Variants in CENPP observed in about 807,000 individuals in gnomAD.
The protein encoded by CENPP is centromere protein P.
CENPP carries 24 observed loss-of-function variants against 35.6 expected under a neutral mutation model. That is an observed-to-expected ratio of 0.67 (90% confidence interval 0.49 to 0.95). The LOEUF is 0.95. CENPP is among the 40% of genes least tolerant of loss of function. The pLI is 0.00. For synonymous variants in CENPP, 120 were observed against 125.5 expected, an observed-to-expected ratio of 0.96 and a Z score of 0.29; for missense variants, 332 against 345.3, an observed-to-expected ratio of 0.96 and a Z score of 0.31.
chr9:92,359,879 G>A (rs1268965740), intron 4 of CENPP, among the ~76,000 whole-genome samples: 1 of 151,770 alleles, frequency 6.6e-6, no homozygotes, highest in Non-Finnish European at 1.5e-5. Flanking sequence ...GGGGGGTGGG[G>A]GTGAAGAAAT....
intron 5 of CENPP, among the ~76,000 whole-genome samples, chr9:92,538,038 G>T (rs922943568): frequency 6.6e-6 from 1 of 151,992 alleles, no homozygotes; most frequent in Non-Finnish European, 1.5e-5. Flanking sequence ...TCTTCCTTGA[G>T]GACAGCTGAA....
intron 5 of CENPP, among the ~76,000 whole-genome samples, chr9:92,513,686 G>A (rs1847503568): frequency 6.6e-6 from 1 of 152,172 alleles, no homozygotes; most frequent in African/African-American, 2.4e-5. Context: ...AAAGGGCTAT[G>A]TATTGTATGA....
chr9:92,420,702 T>C (rs1843764796), intron 5 of CENPP, among the ~76,000 whole-genome samples: 1 of 152,222 alleles, frequency 6.6e-6, no homozygotes, highest in Non-Finnish European at 1.5e-5. Context: ...TTTTCTTATA[T>C]GTATCCCTAC....
chr9:92,555,216 T>A, intron 5 of CENPP, among the ~76,000 whole-genome samples: 1 of 47,490 alleles, frequency 2.1e-5, no homozygotes, highest in Non-Finnish European at 3.8e-5. Flanking sequence ...TTTTGGAAAT[T>A]TTTTTTTTTT....
intron 5 of CENPP, among the ~76,000 whole-genome samples, chr9:92,596,323 G>T (rs974264036): frequency 2.6e-5 from 4 of 151,282 alleles, no homozygotes; most frequent in Admixed American, 6.6e-5. Flanking sequence ...TAGAAATGGG[G>T]TCTCACTATG....
At chr9:92,335,377 A>G (rs1387316873) in intron 2 of CENPP, among the ~76,000 whole-genome samples, 2 of 152,118 alleles carry the variant, frequency 1.3e-5, no homozygotes, top group African/African-American at 4.8e-5. Context: ...TGCAAAATAA[A>G]GTGGTTGCTG....
chr9:92,448,490 CGAACTCCTGAG>C (rs909992027), intron 5 of CENPP, among the ~76,000 whole-genome samples: 1 of 151,744 alleles, frequency 6.6e-6, no homozygotes, highest in African/African-American at 2.4e-5. Flanking sequence ...AGGCTGGTCT[CGAACTCCTGAG>C]GGTTAGGGGT....
chr9:92,592,741 G>T (rs1385769770), intron 5 of CENPP, among the ~76,000 whole-genome samples: 2 of 152,162 alleles, frequency 1.3e-5, no homozygotes, highest in Non-Finnish European at 1.5e-5. Context: ...GTGTATGAGG[G>T]TTCCATTTGC....
At chr9:92,434,843 G>A (rs1378215810) in intron 5 of CENPP, among the ~76,000 whole-genome samples, 1 of 152,118 alleles carries the variant, frequency 6.6e-6, no homozygotes, top group African/African-American at 2.4e-5. Flanking sequence ...AGGAGTTCAA[G>A]AAGTTCAAGA....
chr9:92,404,844 G>T, intron 5 of CENPP: 2 of 257,222 alleles, frequency 7.8e-6, no homozygotes, highest in Non-Finnish European at 1.4e-5. Flanking sequence ...TATGAAAAAT[G>T]ATATAGTTTT....
At chr9:92,540,416 C>T (rs1849289916) in intron 5 of CENPP, among the ~76,000 whole-genome samples, 1 of 143,086 alleles carries the variant, frequency 7.0e-6, no homozygotes, top group Non-Finnish European at 1.5e-5. Flanking sequence ...CCAGCCTGGA[C>T]GACAGAGCGA....
At chr9:92,510,034 G>A (rs1271111096) in intron 5 of CENPP, 1 of 1,587,044 alleles carries the variant, frequency 6.3e-7, no homozygotes, top group Middle Eastern at 1.7e-4. Context: ...TTCTTCAGAA[G>A]CTTAAAAAGC....
At chr9:92,496,123 T>G in intron 5 of CENPP, 1 of 1,224,794 alleles carries the variant, frequency 8.2e-7, no homozygotes, top group East Asian at 4.1e-5. Flanking sequence ...TTACCTTTAC[T>G]ATTAATAAAA....
chr9:92,478,596 G>A (rs1845796714), intron 5 of CENPP, among the ~76,000 whole-genome samples: 1 of 152,104 alleles, frequency 6.6e-6, no homozygotes, highest in Admixed American at 6.6e-5. Context: ...GGGATTACAG[G>A]CATGTGCCAT....
intron 5 of CENPP, among the ~76,000 whole-genome samples, chr9:92,601,045 G>C (rs942316020): frequency 1.3e-5 from 2 of 152,178 alleles, no homozygotes; most frequent in Non-Finnish European, 2.9e-5. Context: ...GGGCAGACGT[G>C]TGTGTCGCTA....
intron 5 of CENPP, among the ~76,000 whole-genome samples, chr9:92,497,575 G>A (rs1052085018): frequency 4.0e-5 from 6 of 149,746 alleles, no homozygotes; most frequent in Non-Finnish European, 7.4e-5. Flanking sequence ...AGTGAGCTGA[G>A]ATCACGCCGT....
intron 5 of CENPP, chr9:92,403,511 C>A (rs1564302387): frequency 2.0e-6 from 3 of 1,463,696 alleles, no homozygotes; most frequent in Admixed American, 2.6e-5. Flanking sequence ...ACCATCGAAG[C>A]AATATTTAAA....
intron 5 of CENPP, chr9:92,502,502 C>T (rs776585252): frequency 1.2e-6 from 2 of 1,611,024 alleles, no homozygotes; most frequent in Admixed American, 1.7e-5. Flanking sequence ...TAAATTGTAG[C>T]ATGTACTTAC....
At chr9:92,483,684 G>A (rs1356533892) in intron 5 of CENPP, among the ~76,000 whole-genome samples, 1 of 152,200 alleles carries the variant, frequency 6.6e-6, no homozygotes, top group Non-Finnish European at 1.5e-5. Flanking sequence ...TCTGACCATC[G>A]TTTGTTCCCT....
Sources: gnomAD v4.1 joint callset for allele counts (sites outside exome capture counted in the v4.1 genomes callset) on GRCh38, gnomAD v4.1.1 for gene constraint, MANE v1.5 for transcripts, NCBI Gene and HGNC (gene_info 2026-07-23, HGNC 2026-07-21) for gene names.